The following MICALL2 variants were observed in gnomAD, a reference collection of about 807,000 sequenced individuals.
The protein encoded by MICALL2 is MICAL like 2.
In MICALL2, 111 loss-of-function variants were observed where a neutral mutation model predicts 91.1. That is an observed-to-expected ratio of 1.22 (90% CI 1.04 to 1.43). The LOEUF is 1.43. Ranked by LOEUF, MICALL2 falls within the 40% of genes most tolerant of loss-of-function variation. MICALL2 has a pLI of 0.00. For missense variants in MICALL2, 1,556 were observed against 1,236.0 expected (o/e 1.26, Z -3.88); for synonymous variants, 694 against 525.3 (o/e 1.32, Z -4.39).
At position 1,436,846 on chromosome 7, in the gene MICALL2, C is replaced by T; in HGVS notation, c.2487G>A (p.Lys829=). The T allele has an allele frequency of 6.3e-7, 1 of 1,594,304 alleles. No homozygotes were observed. The highest frequency in any genetic ancestry group is 8.5e-7 in the Non-Finnish European group (1 of 1,172,186). The change falls in exon 15 of 17, where the codon AAG becomes AAA. Residue 829 remains lysine (K), a synonymous_variant. Coordinates refer to ENST00000297508, the MANE Select transcript of MICALL2 (RefSeq NM_182924.4). ...GCTCCCGCCGCCGCTCCTGCAGTGA[C>T]TTCAGAGCCTCTGTGGGGATGGCTC... ...RRLMAKPEAL[K]SLQERRREQE...
At chr7:1,458,287 C>T (rs1781091740) in intron 1 of MICALL2, among the ~76,000 whole-genome samples, 1 of 152,210 alleles carries the variant, frequency 6.6e-6, no homozygotes, top group Admixed American at 6.5e-5. Context: ...CTGACAGAGG[C>T]CCCAGGTGCT....
rs1562446028 is a variant in MICALL2 at position 1,437,506 on chromosome 7, GC to G, written c.2476+28del. ...GGGCTCCGCGGCATCCCTGGCTGGG[GC>G]CCCTTGGCTGGCGCGCGGGGGACGC... On this transcript the variant is annotated intron_variant, in intron 14 of 16. Coordinates refer to ENST00000297508, the MANE Select transcript of MICALL2 (RefSeq NM_182924.4). The G allele has an allele frequency of 6.0e-6, 9 of 1,501,872 alleles. No individual in the cohort carries two copies. In the South Asian group the frequency reaches 8.8e-5, roughly 15 times the overall value. The allele number at this position is 1,501,872 out of a possible 1,614,324, so 93.0% of individuals were successfully genotyped here.
At chr7:1,436,684 G>C in intron 15 of MICALL2, 58 bp downstream of exon 15, 2 of 1,347,634 alleles carry the variant, frequency 1.5e-6, no homozygotes, top group South Asian at 1.3e-5. Flanking sequence ...TGAGGGCCGG[G>C]AGCATGGACC....
intron 1 of MICALL2, among the ~76,000 whole-genome samples, chr7:1,454,312 G>A (rs971037773): frequency 2.0e-5 from 3 of 152,142 alleles, no homozygotes; most frequent in Admixed American, 6.5e-5. Context: ...GAGAGAGAGA[G>A]GAAGACCCCA....
chr7:1,445,838 T>TA (rs2128522909), intron 5 of MICALL2, among the ~76,000 whole-genome samples: 1 of 152,126 alleles, frequency 6.6e-6, no homozygotes, highest in African/African-American at 2.4e-5. Context: ...ACCCCAGCCT[T>TA]GCAGAGCTGG....
intron 14 of MICALL2, 42 bp downstream of exon 14, chr7:1,437,493 A>G: frequency 6.7e-7 from 1 of 1,492,190 alleles, no homozygotes; most frequent in Non-Finnish European, 8.9e-7. Context: ...GCTCCGCGGC[A>G]TCCCTGGCTG....
chr7:1,438,956 A>G lies in MICALL2; in HGVS notation c.2006T>C (p.Val669Ala). 1 of 1,602,604 alleles carries G rather than the reference A, an allele frequency of 6.2e-7. No individual in the cohort carries two copies. The highest frequency in any genetic ancestry group is 8.5e-7 in the Non-Finnish European group (1 of 1,179,164). Residue 669 changes from valine (V) to alanine (A), a missense_variant, in exon 10 of 17, where the codon GTC (valine) becomes GCC (alanine). Physicochemically the swap from Val to Ala is moderately conservative, Grantham distance 64. Coordinates refer to ENST00000297508, the MANE Select transcript of MICALL2 (RefSeq NM_182924.4). ...GTCACAAACGTCGAGGCTGGCAGGG[A>G]CGGCCAGTCTCCTGCGGCGGGGTGG... ...PSPPRRRRLAVPASLDVCDNW... is the reference protein window; with the variant it reads ...PSPPRRRRLAAPASLDVCDNW...
At chr7:1,457,240 G>A (rs1401509001) in intron 1 of MICALL2, among the ~76,000 whole-genome samples, 1 of 152,188 alleles carries the variant, frequency 6.6e-6, no homozygotes, top group Admixed American at 6.5e-5. Flanking sequence ...CCAACCATGT[G>A]CTGGTATCTA....
At chr7:1,440,355 C>T (rs184066805) in intron 8 of MICALL2, 151 of 620,336 alleles carry the variant, frequency 2.4e-4, no homozygotes, top group Admixed American at 1.2e-3. Flanking sequence ...CAGCTGCAGG[C>T]ATGGTGCGTG....
intron 11 of MICALL2, 21 bp downstream of exon 11, chr7:1,438,268 C>T (rs756461716): frequency 1.3e-5 from 21 of 1,587,990 alleles, no homozygotes; most frequent in Middle Eastern, 1.7e-4. Flanking sequence ...GGCCCCTGCC[C>T]GGCTCCCCAC....
intron 1 of MICALL2, 28 bp downstream of exon 1, chr7:1,459,156 G>T: frequency 6.3e-7 from 1 of 1,592,900 alleles, no homozygotes; most frequent in South Asian, 1.1e-5. Context: ...AACAGCAGAA[G>T]AATCAAAGGG....
intron 6 of MICALL2, among the ~76,000 whole-genome samples, 187 bp from the exon 7 acceptor site, chr7:1,442,671 C>G (rs537981350): frequency 3.6e-5 from 5 of 139,666 alleles, no homozygotes; most frequent in South Asian, 4.4e-4. Context: ...CCGCCTCCCC[C>G]ACCATTGCAC....
rs924395982 is a variant in MICALL2, at chr7:1,435,420, C to T, written c.2592-273G>A. On this transcript the variant is annotated intron_variant, in intron 15 of 16. Coordinates refer to ENST00000297508, the MANE Select transcript of MICALL2 (RefSeq NM_182924.4). The stretch of plus-strand genomic sequence containing the variant: ...TGACCTGGGACAGAAGGGCCTGGGC[C>T]GACCACACCAGTGACCTGGACAGGA... Among the ~76,000 whole-genome samples the T allele has an allele frequency of 2.6e-5, 4 of 152,082 alleles. No homozygotes were observed. The East Asian group carries it at 5.8e-4, about 22-fold the overall frequency.
At position 1,445,102 on chromosome 7, in the gene MICALL2, G is replaced by T. The variant is rs1780509419; in HGVS notation, c.968C>A (p.Ser323Tyr). The T allele has an allele frequency of 6.4e-7, 1 of 1,554,038 alleles. No homozygotes were observed. The highest frequency in any genetic ancestry group is 2.4e-5 in the East Asian group (1 of 41,184). The change falls in exon 6 of 17, where the codon TCT (serine) becomes TAT (tyrosine). Residue 323 changes from serine to tyrosine, a missense_variant. Physicochemically the swap from Ser to Tyr is moderately radical, Grantham distance 144. Transcript: ENST00000297508. The stretch of plus-strand genomic sequence containing the variant: ...GGGAGTGGGGGCCAGGCGGCTCTCA[G>T]AGGGCCTGGCTGGGCTCCTCACGTG... ...SVHVRSPARP[S>Y]ESRLAPTPTE... is the part of the protein sequence containing the mutation.
At chr7:1,438,781 C>G in intron 10 of MICALL2, 59 bp downstream of exon 10, 1 of 1,541,370 alleles carries the variant, frequency 6.5e-7, no homozygotes, top group Non-Finnish European at 8.8e-7. Context: ...GCATTGCCTC[C>G]TCAGAGGAAG....
chr7:1,457,633 G>A (rs1781067696), intron 1 of MICALL2, among the ~76,000 whole-genome samples: 2 of 152,230 alleles, frequency 1.3e-5, no homozygotes, highest in African/African-American at 4.8e-5. Flanking sequence ...ACATGCACCT[G>A]TGCTCACCCT....
At chr7:1,453,986 G>A (rs907640902) in intron 1 of MICALL2, among the ~76,000 whole-genome samples, 4 of 152,002 alleles carry the variant, frequency 2.6e-5, no homozygotes, top group East Asian at 1.9e-4. Flanking sequence ...GCCCCTGCCC[G>A]GCCACACCTG....
At position 1,438,269 on chromosome 7, in the gene MICALL2, G is replaced by A. The variant is rs776308714; in HGVS notation, c.2187+20C>T. On this transcript the variant is annotated intron_variant, in intron 11 of 16. Coordinates refer to ENST00000297508, the MANE Select transcript of MICALL2 (RefSeq NM_182924.4). ...ATGCCGGAGGGCTGGGCCCCTGCCC[G>A]GCTCCCCACCACTACTCACCCTGAC... 41 of 1,588,912 alleles carry A rather than the reference G, an allele frequency of 2.6e-5. No homozygotes were observed. The highest frequency in any genetic ancestry group is 4.0e-5 in the African/African-American group (3 of 74,546).
At position 1,442,337 on chromosome 7, in the gene MICALL2, C is replaced by T. The variant is rs137943311; in HGVS notation, c.1566G>A (p.Thr522=). The change falls in exon 7 of 17, where the codon ACG becomes ACA. Residue 522 remains threonine (T), a synonymous_variant. Coordinates refer to ENST00000297508, the MANE Select transcript of MICALL2 (RefSeq NM_182924.4). Reference sequence around the variant, plus strand: ...ACGCGGATGCCTGAGAGGTACTGCTCGTGCTCAGCGGGGCTGGCGGTTCCA... The same window carrying T: ...ACGCGGATGCCTGAGAGGTACTGCTTGTGCTCAGCGGGGCTGGCGGTTCCA... ...SRMEPPAPLS[T]SSTSQASALP... 33 of 1,612,996 alleles carry T rather than the reference C, an allele frequency of 2.0e-5. No individual in the cohort carries two copies. Among genetic ancestry groups the T allele is most frequent in the East Asian group, 1.3e-4 (6 of 44,896 alleles).
Sources: allele counts gnomAD v4.1 joint callset (sites outside exome capture counted in the v4.1 genomes callset), GRCh38; gene constraint gnomAD v4.1.1; transcripts MANE v1.5; gene names NCBI Gene and HGNC (gene_info 2026-07-23, HGNC 2026-07-21).